The following NEGR1 variants were observed in gnomAD, a reference collection of about 807,000 sequenced individuals.
NEGR1 encodes IgLON family member 4.
NEGR1 carries 10 observed loss-of-function variants against 40.9 expected under a neutral mutation model. That is an observed-to-expected ratio of 0.24 (90% confidence interval 0.15 to 0.42). The LOEUF is 0.42. Among genes scored for constraint, NEGR1 ranks in the 10% least tolerant of loss-of-function variants. NEGR1 has a pLI of 1.00. For synonymous variants in NEGR1, 185 were observed against 166.8 expected (o/e 1.11, Z -0.84); for missense variants, 352 against 438.9 (o/e 0.80, Z 1.77).
intron 6 of NEGR1, among the ~76,000 whole-genome samples, chr1:71,543,860 T>C (rs1647799176): frequency 6.6e-6 from 1 of 151,766 alleles, no homozygotes; most frequent in Admixed American, 6.6e-5. Context: ...ATTAAACTCT[T>C]GGAAAATGAA....
intron 1 of NEGR1, among the ~76,000 whole-genome samples, chr1:72,004,684 T>A (rs1031445439): frequency 8.5e-5 from 13 of 152,260 alleles, no homozygotes; most frequent in Middle Eastern, 3.4e-3. Context: ...TACCATAACA[T>A]CCTTGGTATG....
intron 1 of NEGR1, among the ~76,000 whole-genome samples, chr1:72,103,594 A>T (rs1240827733): frequency 6.6e-6 from 1 of 152,114 alleles, no homozygotes; most frequent in Non-Finnish European, 1.5e-5. Context: ...AATATTAACT[A>T]AGGATCTGGA....
chr1:71,991,198 T>C (rs915388426), intron 1 of NEGR1, among the ~76,000 whole-genome samples: 1 of 152,164 alleles, frequency 6.6e-6, no homozygotes, highest in Non-Finnish European at 1.5e-5. Context: ...TCACAACTAC[T>C]CTTTTCTCTC....
chr1:71,668,442 C>A, intron 4 of NEGR1, among the ~76,000 whole-genome samples: 1 of 152,060 alleles, frequency 6.6e-6, no homozygotes, highest in African/African-American at 2.4e-5. Context: ...CAACGATGAG[C>A]AAACAGGAGA....
At chr1:72,253,253 C>G (rs1655164479) in intron 1 of NEGR1, among the ~76,000 whole-genome samples, 1 of 152,118 alleles carries the variant, frequency 6.6e-6, no homozygotes, top group African/African-American at 2.4e-5. Flanking sequence ...TTTTCATTCT[C>G]TCTCTTTTGG....
chr1:71,861,369 T>G (rs1659941705), intron 2 of NEGR1, among the ~76,000 whole-genome samples: 1 of 152,050 alleles, frequency 6.6e-6, no homozygotes, highest in South Asian at 2.1e-4. Flanking sequence ...TTGGAAGAGT[T>G]CAGGGTACTT....
At chr1:71,980,958 T>C (rs1646349417) in intron 1 of NEGR1, among the ~76,000 whole-genome samples, 1 of 152,252 alleles carries the variant, frequency 6.6e-6, no homozygotes, top group South Asian at 2.1e-4. Flanking sequence ...CAAAAAAGTT[T>C]TCCCAAACTC....
At chr1:71,524,696 G>A (rs1647196598) in intron 6 of NEGR1, among the ~76,000 whole-genome samples, 1 of 151,614 alleles carries the variant, frequency 6.6e-6, no homozygotes, top group Non-Finnish European at 1.5e-5. Flanking sequence ...TAGCTAAGGG[G>A]AATTAAGGTA....
chr1:71,736,888 T>C (rs185969262), intron 3 of NEGR1, among the ~76,000 whole-genome samples: 2 of 152,330 alleles, frequency 1.3e-5, no homozygotes, highest in East Asian at 3.9e-4. Flanking sequence ...TGCAATTCTA[T>C]TCCAACCAAA....
chr1:71,758,025 T>C (rs765367787), intron 3 of NEGR1, among the ~76,000 whole-genome samples: 2 of 152,050 alleles, frequency 1.3e-5, no homozygotes, highest in African/African-American at 4.8e-5. Flanking sequence ...CCCTGTTACA[T>C]TGCTGCTATT....
chr1:71,800,487 A>G (rs1164792182), intron 2 of NEGR1, among the ~76,000 whole-genome samples: 1 of 152,048 alleles, frequency 6.6e-6, no homozygotes, highest in Non-Finnish European at 1.5e-5. Context: ...TTAGTTCTTA[A>G]GTTTATTATT....
intron 2 of NEGR1, among the ~76,000 whole-genome samples, chr1:71,781,153 T>C (rs1428240319): frequency 1.3e-5 from 2 of 152,220 alleles, no homozygotes; most frequent in African/African-American, 4.8e-5. Context: ...CAAGAATTCA[T>C]CATGCTGCCT....
At chr1:71,571,958 A>G (rs764670416) in intron 6 of NEGR1, among the ~76,000 whole-genome samples, 11 of 152,136 alleles carry the variant, frequency 7.2e-5, no homozygotes, top group Non-Finnish European at 1.5e-4. Flanking sequence ...CAAGTATAAG[A>G]CTGAAACTGG....
At chr1:71,554,133 A>G (rs1197688834) in intron 6 of NEGR1, among the ~76,000 whole-genome samples, 1 of 151,492 alleles carries the variant, frequency 6.6e-6, no homozygotes, top group Non-Finnish European at 1.5e-5. Context: ...GTAATTAATT[A>G]AATAAAACTG....
intron 2 of NEGR1, among the ~76,000 whole-genome samples, chr1:71,846,649 A>C (rs1457004096): frequency 1.3e-5 from 2 of 152,148 alleles, no homozygotes; most frequent in East Asian, 3.9e-4. Context: ...CTGCTGTAAC[A>C]AAAAGCCTTA....
At chr1:72,183,168 A>T (rs186105620) in intron 1 of NEGR1, among the ~76,000 whole-genome samples, 1 of 152,172 alleles carries the variant, frequency 6.6e-6, no homozygotes, top group Admixed American at 6.6e-5. Context: ...GGACCACTGA[A>T]ACCTCTCTTT....
chr1:71,859,063 C>T (rs889748685), intron 2 of NEGR1, among the ~76,000 whole-genome samples: 2 of 152,082 alleles, frequency 1.3e-5, no homozygotes, highest in African/African-American at 4.8e-5. Context: ...TGTCCTATGT[C>T]ACTTGGTGTT....
At chr1:71,782,673 T>C (rs1656758941) in intron 2 of NEGR1, among the ~76,000 whole-genome samples, 1 of 152,198 alleles carries the variant, frequency 6.6e-6, no homozygotes, top group Admixed American at 6.6e-5. Context: ...GCTAAGCTAA[T>C]ACTTCTTTGA....
chr1:71,817,465 A>T (rs555085881), intron 2 of NEGR1, among the ~76,000 whole-genome samples: 7 of 152,160 alleles, frequency 4.6e-5, no homozygotes, highest in Non-Finnish European at 7.4e-5. Flanking sequence ...GCCTCCTTTC[A>T]TAGGCGCTAT....
Sources: gnomAD v4.1 joint callset for allele counts (sites outside exome capture counted in the v4.1 genomes callset) on GRCh38, gnomAD v4.1.1 for gene constraint, MANE v1.5 for transcripts, NCBI Gene and HGNC (gene_info 2026-07-23, HGNC 2026-07-21) for gene names.